FOXP2: variants seen among roughly 807,000 people sequenced by gnomAD.
FOXP2 encodes the protein forkhead box protein P2.
FOXP2 carries 12 observed loss-of-function variants against 115.8 expected under a neutral mutation model. That is an observed-to-expected ratio of 0.10 (90% confidence interval 0.07 to 0.17). The LOEUF is 0.17. Ranked by LOEUF, FOXP2 falls within the 10% of genes least tolerant of loss-of-function variation. The pLI is 1.00. For synonymous variants in FOXP2, 328 were observed against 297.7 expected (o/e 1.10, Z -1.05); for missense variants, 629 against 843.5 (o/e 0.75, Z 3.15).
intron 1 of FOXP2, among the ~76,000 whole-genome samples, chr7:114,153,135 GT>G (rs1792570245): frequency 6.6e-6 from 1 of 152,082 alleles, no homozygotes; most frequent in Non-Finnish European, 1.5e-5. Flanking sequence ...TTATTGTCTT[GT>G]TTGACTTTGG....
intron 3 of FOXP2, among the ~76,000 whole-genome samples, chr7:114,537,540 T>C (rs1226238162): frequency 1.3e-5 from 2 of 151,586 alleles, no homozygotes; most frequent in Non-Finnish European, 3.0e-5. Context: ...TGTTAAGAAG[T>C]GGTGGCCAGA....
chr7:114,624,611 T>TA (rs766157278), intron 3 of FOXP2, among the ~76,000 whole-genome samples: 3 of 151,832 alleles, frequency 2.0e-5, no homozygotes, highest in Admixed American at 6.6e-5. Flanking sequence ...AGACTGTGCT[T>TA]ATGTAAAACA....
At chr7:114,455,708 A>G (rs757608471) in intron 2 of FOXP2, among the ~76,000 whole-genome samples, 5 of 152,174 alleles carry the variant, frequency 3.3e-5, no homozygotes, top group Non-Finnish European at 5.9e-5. Context: ...ACTTCCTTAC[A>G]CACAATTAAT....
At chr7:114,668,961 A>G (rs1407296790) in intron 16 of FOXP2, 4 of 152,264 alleles carry the variant, frequency 2.6e-5, no homozygotes, top group Middle Eastern at 3.4e-3. Context: ...AGATTTTAGG[A>G]AGAACAGATG....
chr7:114,184,046 A>G (rs1014540962), intron 1 of FOXP2, among the ~76,000 whole-genome samples: 1 of 152,200 alleles, frequency 6.6e-6, no homozygotes, highest in Non-Finnish European at 1.5e-5. Context: ...AAGATTTGTT[A>G]CTTTCAAGTT....
intron 1 of FOXP2, among the ~76,000 whole-genome samples, chr7:114,163,432 GT>G: frequency 1.3e-5 from 2 of 150,236 alleles, no homozygotes; most frequent in Middle Eastern, 3.4e-3. Flanking sequence ...TCTAAACTTT[GT>G]TTTTTTTTCT....
At chr7:114,271,595 A>AT (rs1178647995) in intron 1 of FOXP2, among the ~76,000 whole-genome samples, 6 of 124,388 alleles carry the variant, frequency 4.8e-5, no homozygotes, top group African/African-American at 1.9e-4. Flanking sequence ...TATTATTATA[A>AT]TATAATATTA....
chr7:114,356,611 A>T (rs1219062406), intron 2 of FOXP2, among the ~76,000 whole-genome samples: 1 of 152,204 alleles, frequency 6.6e-6, no homozygotes, highest in Admixed American at 6.5e-5. Flanking sequence ...TGGGTTCAAA[A>T]TCAAGGAAAG....
chr7:114,104,974 A>G (rs961491276), intron 1 of FOXP2, among the ~76,000 whole-genome samples: 3 of 151,910 alleles, frequency 2.0e-5, no homozygotes, highest in African/African-American at 7.2e-5. Flanking sequence ...TAAAATGCCA[A>G]CTCCCATGGA....
Position 114,664,334 on chromosome 7 carries a change from C to G in FOXP2, c.1901C>G (p.Ser634Cys). ...LSNPGLINNA[S>C]SGLLQAVHED... is the part of the protein sequence containing the mutation. ...AATCCTGGACTGATAAATAATGCAT[C>G]CAGTGGCCTACTGCAGGCCGTCCAC... The change falls in exon 16 of 17, where the codon TCC (serine) becomes TGC (cysteine). Residue 634 changes from serine (S) to cysteine (C), a missense_variant. Ser to Cys is a moderately radical substitution (Grantham distance 112). Coordinates refer to ENST00000350908, the MANE Select transcript of FOXP2 (RefSeq NM_014491.4). 1.9e-6 allele frequency: 3 copies of G among 1,613,616 alleles called. No homozygotes were observed. Among genetic ancestry groups the G allele is most frequent in the Non-Finnish European group, 2.5e-6 (3 of 1,179,720 alleles).
At chr7:114,256,041 T>G (rs909237763) in intron 1 of FOXP2, among the ~76,000 whole-genome samples, 1 of 152,166 alleles carries the variant, frequency 6.6e-6, no homozygotes, top group Non-Finnish European at 1.5e-5. Context: ...CTCTACAACC[T>G]CAACAGCAGG....
intron 3 of FOXP2, among the ~76,000 whole-genome samples, chr7:114,624,463 T>C (rs1270196934): frequency 6.6e-6 from 1 of 151,862 alleles, no homozygotes; most frequent in Non-Finnish European, 1.5e-5. Context: ...TCACATTTAG[T>C]GAAGAAAGAA....
chr7:114,511,958 C>G (rs1242323330), intron 2 of FOXP2, among the ~76,000 whole-genome samples: 1 of 151,818 alleles, frequency 6.6e-6, no homozygotes, highest in African/African-American at 2.4e-5. Context: ...TTTAAAACAC[C>G]AAGTAAATGA....
chr7:114,481,689 C>T (rs530772442), intron 2 of FOXP2, among the ~76,000 whole-genome samples: 1 of 151,270 alleles, frequency 6.6e-6, no homozygotes, highest in Admixed American at 6.6e-5. Flanking sequence ...AGGAAATTCC[C>T]CCAGAGTATT....
At chr7:114,184,729 G>C (rs1259933202) in intron 1 of FOXP2, among the ~76,000 whole-genome samples, 5 of 152,152 alleles carry the variant, frequency 3.3e-5, no homozygotes, top group Admixed American at 1.3e-4. Context: ...TGAGGTCCCT[G>C]ACTTTTGGTA....
intron 2 of FOXP2, among the ~76,000 whole-genome samples, chr7:114,329,645 TTTATTTATTTATTTA>T (rs1292690278): frequency 8.4e-4 from 2 of 2,368 alleles, no homozygotes; most frequent in African/African-American, 1.4e-3. Context: ...CTATGTAAGT[TTTATTTATTTATTTA>T]TTTATTTATT....
chr7:114,295,649 A>G (rs1206103359), intron 2 of FOXP2, among the ~76,000 whole-genome samples: 2 of 152,216 alleles, frequency 1.3e-5, no homozygotes, highest in African/African-American at 4.8e-5. Context: ...CTATTACTGT[A>G]GGTGTCATGT....
chr7:114,493,260 T>A (rs1038759968), intron 2 of FOXP2, among the ~76,000 whole-genome samples: 4 of 152,192 alleles, frequency 2.6e-5, no homozygotes, highest in Non-Finnish European at 5.9e-5. Flanking sequence ...TCCATTTGCT[T>A]GGTAGATCTT....
chr7:114,436,251 C>T (rs1207136823), intron 2 of FOXP2, among the ~76,000 whole-genome samples: 3 of 151,780 alleles, frequency 2.0e-5, no homozygotes, highest in Admixed American at 6.6e-5. Context: ...TATCACTCTT[C>T]GTCTTTTGTA....
Sources: allele counts gnomAD v4.1 joint callset (sites outside exome capture counted in the v4.1 genomes callset), GRCh38; gene constraint gnomAD v4.1.1; transcripts MANE v1.5; gene names NCBI Gene and HGNC (gene_info 2026-07-23, HGNC 2026-07-21).